OR10K1: variants seen among roughly 807,000 people sequenced by gnomAD.
The protein encoded by OR10K1 is olfactory receptor 10K1.
For synonymous variants in OR10K1, 186 were observed against 152.5 expected (o/e 1.22, Z -1.62); for missense variants, 404 against 373.3 (o/e 1.08, Z -0.68).
intron 1 of OR10K1, 98 bp from the exon 2 acceptor site, chr1:158,465,308 T>C (rs547346126): frequency 1.9e-6 from 1 of 528,026 alleles, no homozygotes; most frequent in Non-Finnish European, 3.4e-6. Context: ...AATTTCCTAA[T>C]CCTTGGTCAG....
chr1:158,465,313 G>A, intron 1 of OR10K1, 93 bp from the exon 2 acceptor site: 1 of 534,190 alleles, frequency 1.9e-6, no homozygotes, highest in South Asian at 2.6e-5. Flanking sequence ...CCTAATCCTT[G>A]GTCAGAGAGA....
chr1:158,464,608 T>G (rs1487836282), intron 1 of OR10K1, among the ~76,000 whole-genome samples: 1 of 152,180 alleles, frequency 6.6e-6, no homozygotes, highest in Non-Finnish European at 1.5e-5. Context: ...AAGAATTTTT[T>G]TCTTTATACT....
chr1:158,463,347 G>A (rs1571284324), intron 1 of OR10K1, among the ~76,000 whole-genome samples: 1 of 152,150 alleles, frequency 6.6e-6, no homozygotes, highest in African/African-American at 2.4e-5. Flanking sequence ...TTGAGCAGAT[G>A]GGGGCTGCCT....
rs141920498 is a variant in OR10K1 at position 158,465,721 on chromosome 1, G to A, written c.160G>A (p.Ala54Thr). The A allele has an allele frequency of 7.4e-6, 12 of 1,614,176 alleles. No homozygotes were observed. The African/African-American group carries it at 1.6e-4, about 22-fold the overall frequency. Residue 54 changes from alanine to threonine, a missense_variant, in exon 2 of 2, where the codon GCC (alanine) becomes ACC (threonine). Ala to Thr is a moderately conservative substitution (Grantham distance 58). Coordinates refer to ENST00000641535, the MANE Select transcript of OR10K1 (RefSeq NM_001004473.2). ...IIISTIVLDR[A>T]LHTPMYFFLA... ...CATTTCCACCATTGTGCTGGACAGA[G>A]CCCTTCATACTCCCATGTACTTCTT...
At position 158,466,307 on chromosome 1, in the gene OR10K1, CTG is replaced by C; in HGVS notation, c.748_749del (p.Val250SerfsTer15). On this transcript the variant is annotated frameshift_variant, in exon 2 of 2. Coordinates refer to ENST00000641535, the MANE Select transcript of OR10K1 (RefSeq NM_001004473.2). LOFTEE classifies it low-confidence loss of function (END_TRUNC). ...TGTGCCTCCCATCTCATTGTGGTAA[CTG>C]TTCACTACAGTTGTGCCTCTTTCAT... is the stretch of plus-strand genomic sequence containing the variant. 1 of 1,614,156 alleles carries C rather than the reference CTG, an allele frequency of 6.2e-7. No individual in the cohort carries two copies. Among genetic ancestry groups the C allele is most frequent in the Non-Finnish European group, 8.5e-7 (1 of 1,180,012 alleles).
At chr1:158,462,327 T>C (rs534602468) in intron 1 of OR10K1, among the ~76,000 whole-genome samples, 29 of 151,978 alleles carry the variant, frequency 1.9e-4, no homozygotes, top group African/African-American at 6.0e-4. Flanking sequence ...TCATATTGGG[T>C]CATTCTTACT....
chr1:158,466,044 C>T lies in OR10K1; in HGVS notation c.483C>T (p.Ser161=), dbSNP rs1380226425. The part of the protein sequence containing the change: ...CGFTVSLVTT[S]LVFHLPFHSS... ...TCACTGTCTCCCTGGTCACCACCTCCCTAGTATTTCATCTGCCCTTCCACT... is the reference window on the plus strand; with the variant it reads ...TCACTGTCTCCCTGGTCACCACCTCTCTAGTATTTCATCTGCCCTTCCACT... The change falls in exon 2 of 2, where the codon TCC becomes TCT. Residue 161 remains serine (S), a synonymous_variant. Transcript: ENST00000641535. 6 of 1,614,010 alleles carry T rather than the reference C, an allele frequency of 3.7e-6. No individual in the cohort carries two copies. The East Asian group carries it at 8.9e-5, about 24-fold the overall frequency.
Position 158,466,316 on chromosome 1 carries a change from A to G in OR10K1, c.755A>G (p.Tyr252Cys), listed in dbSNP as rs776545306. The change falls in exon 2 of 2, where the codon TAC (tyrosine) becomes TGC (cysteine). Residue 252 changes from tyrosine to cysteine, a missense_variant. Physicochemically the swap from Tyr to Cys is radical, Grantham distance 194. Transcript: ENST00000641535. ...ASHLIVVTVH[Y>C]SCASFIYLRP... ...CATCTCATTGTGGTAACTGTTCACT[A>G]CAGTTGTGCCTCTTTCATCTACTTA... 3 of 1,614,038 alleles carry G rather than the reference A, an allele frequency of 1.9e-6. No individual in the cohort carries two copies. In the African/African-American group the frequency reaches 4.0e-5, roughly 22 times the overall value.
chr1:158,463,777 C>A (rs1655974745), intron 1 of OR10K1, among the ~76,000 whole-genome samples: 1 of 152,064 alleles, frequency 6.6e-6, no homozygotes. Context: ...TGTAGGGAAA[C>A]TTTTACCTTT....
intron 1 of OR10K1, among the ~76,000 whole-genome samples, chr1:158,465,024 T>C (rs1210573860): frequency 6.6e-6 from 1 of 152,220 alleles, no homozygotes; most frequent in Non-Finnish European, 1.5e-5. Flanking sequence ...TATTGTTCCC[T>C]TGGAGATATA....
chr1:158,467,093 G>C lies in OR10K1; in HGVS notation c.*590G>C, dbSNP rs955065422. ...TTGTTTGAGGTGGAACCACTTTATG[G>C]TTCTCTTCCTGATGCACATGTATGT... On this transcript the variant is annotated 3_prime_UTR_variant, in exon 2 of 2. Transcript: ENST00000641535. The C allele has an allele frequency of 2.6e-5, 4 of 152,718 alleles. No individual in the cohort carries two copies. The highest frequency in any genetic ancestry group is 9.7e-5 in the African/African-American group (4 of 41,342). The allele number at this position is 152,718 out of a possible 1,614,324, so 9.5% of individuals were successfully genotyped here. A position where few individuals can be genotyped will look rare whatever the true frequency, so the allele number is the denominator to read the frequency against.
In OR10K1 at chr1:158,466,454, A is replaced by G. The variant is rs754361681; in HGVS notation, c.893A>G (p.Lys298Arg). ...MIYSLRNKEF[K>R]SALRRTIGQT... ...TATAGTCTGAGAAATAAGGAATTCAAATCAGCCCTACGAAGAACAATCGGC... is the reference window on the plus strand; with the variant it reads ...TATAGTCTGAGAAATAAGGAATTCAGATCAGCCCTACGAAGAACAATCGGC... The change falls in exon 2 of 2, where the codon AAA becomes AGA. Residue 298 changes from lysine (K) to arginine (R), a missense_variant. Transcript: ENST00000641535. 5.6e-6 allele frequency: 9 copies of G among 1,614,012 alleles called. No individual in the cohort carries two copies. The highest frequency in any genetic ancestry group is 6.8e-6 in the Non-Finnish European group (8 of 1,180,000).
chr1:158,465,803 T>C lies in OR10K1; in HGVS notation c.242T>C (p.Met81Thr), dbSNP rs778443144. 5 of 1,614,246 alleles carry C rather than the reference T, an allele frequency of 3.1e-6. No individual in the cohort carries two copies. Among genetic ancestry groups the C allele is most frequent in the South Asian group, 1.1e-5 (1 of 91,086 alleles). The part of the protein sequence containing the change: ...ICYTFVIVPK[M>T]LVDLLSQKKT... ...TATACCTTTGTCATTGTACCCAAGA[T>C]GCTGGTTGACCTGCTGTCCCAGAAG... The change falls in exon 2 of 2, where the codon ATG (methionine) becomes ACG (threonine). Residue 81 changes from methionine (M) to threonine (T), a missense_variant. Physicochemically the swap from Met to Thr is moderately conservative, Grantham distance 81. Coordinates refer to ENST00000641535, the MANE Select transcript of OR10K1 (RefSeq NM_001004473.2).
chr1:158,465,607 G>A lies in OR10K1; in HGVS notation c.46G>A (p.Gly16Ser), dbSNP rs189644667. ...KTVVREFVVL[G>S]FSSLARLQQL... Reference sequence around the variant, plus strand: ...TGTGGTGAGAGAGTTCGTCGTCCTCGGCTTCTCATCCCTGGCCAGGCTGCA... The same window carrying A: ...TGTGGTGAGAGAGTTCGTCGTCCTCAGCTTCTCATCCCTGGCCAGGCTGCA... The change falls in exon 2 of 2, where the codon GGC becomes AGC. Residue 16 changes from glycine to serine, a missense_variant. Coordinates refer to ENST00000641535, the MANE Select transcript of OR10K1 (RefSeq NM_001004473.2). 9.9e-6 allele frequency: 16 copies of A among 1,613,980 alleles called. No homozygotes were observed. Among genetic ancestry groups the A allele is most frequent in the Middle Eastern group, 3.3e-4 (2 of 6,058 alleles).
At position 158,466,220 on chromosome 1, in the gene OR10K1, G is replaced by T. The variant is rs760475592; in HGVS notation, c.659G>T (p.Arg220Leu). The T allele has an allele frequency of 1.2e-6, 2 of 1,613,906 alleles. No individual in the cohort carries two copies. Among genetic ancestry groups the T allele is most frequent in the Non-Finnish European group, 1.7e-6 (2 of 1,180,016 alleles). Residue 220 changes from arginine (R) to leucine (L), a missense_variant, in exon 2 of 2, where the codon CGC (arginine) becomes CTC (leucine). By Grantham distance (102) the Arg-to-Leu change is moderately radical. Coordinates refer to ENST00000641535, the MANE Select transcript of OR10K1 (RefSeq NM_001004473.2). The stretch of plus-strand genomic sequence containing the variant: ...CTACTTATCCTAGTCTCCTACATCC[G>T]CATCATCTCTGCCATTCTAAAAATC... ...PLLLILVSYI[R>L]IISAILKIPS...
rs1219781419 is a variant in OR10K1 at position 158,466,713 on chromosome 1, A to T, written c.*210A>T. ...AATCAGATATGGGAACAGAGCACAC[A>T]GTTCCATAACAAATTTAATTATATT... On this transcript the variant is annotated 3_prime_UTR_variant, in exon 2 of 2. Transcript: ENST00000641535. 5 of 558,332 alleles carry T rather than the reference A, an allele frequency of 9.0e-6. No homozygotes were observed. Among genetic ancestry groups the T allele is most frequent in the Admixed American group, 3.5e-5 (1 of 28,310 alleles). The allele number at this position is 558,332 out of a possible 1,614,324, so 34.6% of individuals were successfully genotyped here. A position where few individuals can be genotyped will look rare whatever the true frequency, so the allele number is the denominator to read the frequency against.
Position 158,465,295 on chromosome 1 carries a change from G to A in OR10K1, c.-156-111G>A, listed in dbSNP as rs549908089. On this transcript the variant is annotated intron_variant, in intron 1 of 1. Transcript: ENST00000641535. ...TGTTACATAAGAAGGAAAACTATTAGCAAATTTCCTAATCCTTGGTCAGAG... is the reference window on the plus strand; with the variant it reads ...TGTTACATAAGAAGGAAAACTATTAACAAATTTCCTAATCCTTGGTCAGAG... 3 of 494,318 alleles carry A rather than the reference G, an allele frequency of 6.1e-6. 1 individual carries two copies. The highest frequency in any genetic ancestry group is 5.7e-5 in the African/African-American group (3 of 52,266). The allele number at this position is 494,318 out of a possible 1,614,324, so 30.6% of individuals were successfully genotyped here. A position where few individuals can be genotyped will look rare whatever the true frequency, so the allele number is the denominator to read the frequency against.
chr1:158,465,511 G>C lies in OR10K1; in HGVS notation c.-51G>C. On this transcript the variant is annotated 5_prime_UTR_variant, in exon 2 of 2. Coordinates refer to ENST00000641535, the MANE Select transcript of OR10K1 (RefSeq NM_001004473.2). ...CCGTACATTTCCACTCTCCTTTCTG[G>C]ATCCTGGTTTCTACCTCTGTCCCTG... is the stretch of plus-strand genomic sequence containing the variant. 1 of 1,422,704 alleles carries C rather than the reference G, an allele frequency of 7.0e-7. No individual in the cohort carries two copies. The allele number at this position is 1,422,704 out of a possible 1,614,324, so 88.1% of individuals were successfully genotyped here.
Position 158,466,190 on chromosome 1 carries a change from C to T in OR10K1, c.629C>T (p.Pro210Leu). 1.2e-6 allele frequency: 2 copies of T among 1,614,156 alleles called. No homozygotes were observed. The highest frequency in any genetic ancestry group is 8.5e-7 in the Non-Finnish European group (1 of 1,180,032). The change falls in exon 2 of 2, where the codon CCT (proline) becomes CTT (leucine). Residue 210 changes from proline to leucine, a missense_variant. Coordinates refer to ENST00000641535, the MANE Select transcript of OR10K1 (RefSeq NM_001004473.2). ...FMLGVFALVI[P>L]LLLILVSYIR... ...CTTGGTGTATTTGCCTTGGTCATTCCTCTGCTACTTATCCTAGTCTCCTAC... is the reference window on the plus strand; with the variant it reads ...CTTGGTGTATTTGCCTTGGTCATTCTTCTGCTACTTATCCTAGTCTCCTAC...
Sources: allele counts gnomAD v4.1 joint callset (sites outside exome capture counted in the v4.1 genomes callset), GRCh38; gene constraint gnomAD v4.1.1; transcripts MANE v1.5; gene names NCBI Gene and HGNC (gene_info 2026-07-23, HGNC 2026-07-21).